PPP6R3: variants seen among roughly 807,000 people sequenced by gnomAD.
The protein encoded by PPP6R3 is serine/threonine-protein phosphatase 6 regulatory subunit 3.
Under a neutral mutation model 110.7 loss-of-function variants are expected in PPP6R3, and 38 were observed. The ratio of observed to expected loss-of-function variants is 0.34; its 90% CI spans 0.26 to 0.45. The LOEUF (loss-of-function observed/expected upper bound fraction) is 0.45, where lower values mean the gene tolerates loss of function less well. Ranked by LOEUF, PPP6R3 falls within the 20% of genes least tolerant of loss-of-function variation. The pLI is 1.00. For synonymous variants in PPP6R3, 369 were observed against 373.5 expected, an observed-to-expected ratio of 0.99 and a Z score of 0.14; for missense variants, 870 against 1,062.4, an observed-to-expected ratio of 0.82 and a Z score of 2.52.
intron 19 of PPP6R3, among the ~76,000 whole-genome samples, chr11:68,597,981 GAAAA>G (rs376459321): frequency 6.9e-6 from 1 of 145,802 alleles, no homozygotes; most frequent in Non-Finnish European, 1.5e-5. Context: ...TCCATCTGGG[GAAAA>G]AAAAAAAGTA....
At chr11:68,526,664 T>C (rs187449017) in intron 2 of PPP6R3, among the ~76,000 whole-genome samples, 2 of 152,292 alleles carry the variant, frequency 1.3e-5, no homozygotes, top group Admixed American at 1.3e-4. Flanking sequence ...CTTCATCTCT[T>C]AAGAAGACAA....
At chr11:68,545,403 G>A (rs1175685365) in intron 4 of PPP6R3, among the ~76,000 whole-genome samples, 1 of 152,198 alleles carries the variant, frequency 6.6e-6, no homozygotes, top group Non-Finnish European at 1.5e-5. Context: ...TTGATGATCA[G>A]AGATGAAGCT....
chr11:68,510,599 ATGT>A (rs2099103978), intron 1 of PPP6R3, among the ~76,000 whole-genome samples: 1 of 151,966 alleles, frequency 6.6e-6, no homozygotes. Flanking sequence ...GTCTCTCAAA[ATGT>A]TGTGATTATA....
intron 3 of PPP6R3, among the ~76,000 whole-genome samples, chr11:68,542,197 C>T (rs2099319879): frequency 6.6e-6 from 1 of 151,578 alleles, no homozygotes; most frequent in African/African-American, 2.4e-5. Context: ...GAGATGACCT[C>T]AGGAGCAAGG....
intron 15 of PPP6R3, among the ~76,000 whole-genome samples, chr11:68,585,067 T>C (rs1035207984): frequency 6.6e-6 from 1 of 152,220 alleles, no homozygotes; most frequent in African/African-American, 2.4e-5. Context: ...TCCCCGAATG[T>C]AGAGAGCTCA....
chr11:68,557,574 A>G (rs1235682558), intron 7 of PPP6R3, among the ~76,000 whole-genome samples: 1 of 151,424 alleles, frequency 6.6e-6, no homozygotes, highest in African/African-American at 2.4e-5. Flanking sequence ...GCTGGAGTGC[A>G]GTGGCGCGAT....
intron 22 of PPP6R3, among the ~76,000 whole-genome samples, chr11:68,607,740 TATCTA>T (rs1313181211): frequency 6.6e-6 from 1 of 152,180 alleles, no homozygotes; most frequent in Non-Finnish European, 1.5e-5. Flanking sequence ...TCTGTCTGCC[TATCTA>T]ATCTATCATC....
intron 3 of PPP6R3, among the ~76,000 whole-genome samples, chr11:68,541,162 T>A (rs902120332): frequency 1.3e-5 from 2 of 152,222 alleles, no homozygotes; most frequent in African/African-American, 4.8e-5. Flanking sequence ...AACTAATAAA[T>A]GTCTATGAAA....
At chr11:68,477,092 G>T (rs920371235) in intron 1 of PPP6R3, among the ~76,000 whole-genome samples, 4 of 151,902 alleles carry the variant, frequency 2.6e-5, no homozygotes, top group African/African-American at 7.3e-5. Flanking sequence ...TTTGAAATGT[G>T]TTGAGGCTAG....
chr11:68,531,365 G>A (rs1226511927), intron 2 of PPP6R3, among the ~76,000 whole-genome samples: 2 of 140,580 alleles, frequency 1.4e-5, no homozygotes, highest in Admixed American at 7.1e-5. Flanking sequence ...TTTAGGACAG[G>A]GTCTCACTCT....
chr11:68,560,914 T>TA (rs1491190701), intron 8 of PPP6R3, among the ~76,000 whole-genome samples: 43 of 135,620 alleles, frequency 3.2e-4, no homozygotes, highest in Middle Eastern at 4.2e-3. Flanking sequence ...TTTTTTTTTT[T>TA]AAGACAGAGT....
intron 1 of PPP6R3, among the ~76,000 whole-genome samples, chr11:68,513,666 C>A (rs2099121724): frequency 6.6e-6 from 1 of 152,160 alleles, no homozygotes; most frequent in Non-Finnish European, 1.5e-5. Flanking sequence ...AGACTTCTGC[C>A]CATTCACACA....
chr11:68,505,204 G>A (rs895356609), intron 1 of PPP6R3: 2 of 152,096 alleles, frequency 1.3e-5, no homozygotes, highest in Admixed American at 6.6e-5. Flanking sequence ...GAACTTCCTC[G>A]GCCATATGGA....
intron 1 of PPP6R3, among the ~76,000 whole-genome samples, chr11:68,516,432 C>A (rs2099137243): frequency 6.6e-6 from 1 of 152,170 alleles, no homozygotes; most frequent in South Asian, 2.1e-4. Context: ...TTAAACACAA[C>A]TGAATTATAT....
At chr11:68,496,392 A>AC (rs1181059865) in intron 1 of PPP6R3, among the ~76,000 whole-genome samples, 1 of 151,702 alleles carries the variant, frequency 6.6e-6, no homozygotes, top group Non-Finnish European at 1.5e-5. Flanking sequence ...TCCAGGCTGG[A>AC]CGGGGACTCA....
chr11:68,614,243 G>GTA lies in PPP6R3; in HGVS notation c.*1135_*1136dup, dbSNP rs546437384. 146 of 1,002,388 alleles carry GTA rather than the reference G, an allele frequency of 1.5e-4. No homozygotes were observed. The highest frequency in any genetic ancestry group is 1.0e-3 in the African/African-American group (60 of 57,344). 62.1% of individuals were successfully genotyped at this position (1,002,388 alleles called of 1,614,324 possible). On this transcript the variant is annotated 3_prime_UTR_variant, in exon 24 of 24. Coordinates refer to ENST00000393800, the MANE Select transcript of PPP6R3 (RefSeq NM_001164161.2). ...GTGTATTTTTTTAGAACTGGTTTGT[G>GTA]TATATATATAGTGATTATGGATACT... is the stretch of plus-strand genomic sequence containing the variant.
At chr11:68,591,079 A>G (rs1410364808) in intron 17 of PPP6R3, among the ~76,000 whole-genome samples, 1 of 152,102 alleles carries the variant, frequency 6.6e-6, no homozygotes, top group Admixed American at 6.6e-5. Context: ...ATTTCTGTGG[A>G]AACACCGAGA....
chr11:68,573,589 A>G (rs186774251), intron 12 of PPP6R3, among the ~76,000 whole-genome samples: 78 of 152,288 alleles, frequency 5.1e-4, no homozygotes, highest in African/African-American at 1.5e-3. Context: ...ATCTTGGCCA[A>G]GTCTCACATC....
At chr11:68,592,456 G>A (rs566449789) in intron 18 of PPP6R3, among the ~76,000 whole-genome samples, 6 of 152,246 alleles carry the variant, frequency 3.9e-5, no homozygotes, top group South Asian at 4.2e-4. Flanking sequence ...TCTTCCAGCC[G>A]TCCAGTCCTC....
Sources: gnomAD v4.1 joint callset for allele counts (sites outside exome capture counted in the v4.1 genomes callset) on GRCh38, gnomAD v4.1.1 for gene constraint, MANE v1.5 for transcripts, NCBI Gene and HGNC (gene_info 2026-07-23, HGNC 2026-07-21) for gene names.